Variants in TRMT11 observed in about 807,000 individuals in gnomAD.
The protein encoded by TRMT11 is tRNA (guanine(10)-N(2))-methyltransferase TRMT11.
TRMT11 carries 53 observed loss-of-function variants against 62.8 expected under a neutral mutation model. That is an observed-to-expected ratio of 0.84 (90% CI 0.68 to 1.06). The LOEUF is 1.06. TRMT11 is among the 50% of genes least tolerant of loss of function. The pLI is 0.00. For synonymous variants in TRMT11, 188 were observed against 190.3 expected (o/e 0.99, Z 0.10); for missense variants, 556 against 553.4 (o/e 1.00, Z -0.05).
chr6:126,145,515 C>A (rs776309740), intron 21 of TRMT11, among the ~76,000 whole-genome samples: 22 of 152,124 alleles, frequency 1.4e-4, no homozygotes, highest in Non-Finnish European at 2.6e-4. Flanking sequence ...GGAGAAAAGA[C>A]AATTTATCCT....
chr6:126,237,869 A>T, the TRMT11 span, among the ~76,000 whole-genome samples: 1 of 152,170 alleles, frequency 6.6e-6, no homozygotes, highest in African/African-American at 2.4e-5. Flanking sequence ...TAAGCTATTA[A>T]TTATTGCCTC....
chr6:126,126,254 T>C (rs1046118515), intron 21 of TRMT11, among the ~76,000 whole-genome samples: 1 of 152,130 alleles, frequency 6.6e-6, no homozygotes, highest in African/African-American at 2.4e-5. Flanking sequence ...TTTTCCCAGA[T>C]ATTATAGATC....
chr6:126,219,038 T>C, the TRMT11 span, among the ~76,000 whole-genome samples: 1 of 152,004 alleles, frequency 6.6e-6, no homozygotes, highest in Non-Finnish European at 1.5e-5. Context: ...CTCCCCAAAG[T>C]GTATAGATTC....
chr6:126,221,810 T>C, the TRMT11 span, among the ~76,000 whole-genome samples: 1 of 152,250 alleles, frequency 6.6e-6, no homozygotes, highest in East Asian at 1.9e-4. Context: ...AACTGTTTAA[T>C]TTAGTTAGAC....
chr6:126,261,990 T>C, the TRMT11 span, among the ~76,000 whole-genome samples: 1 of 151,916 alleles, frequency 6.6e-6, no homozygotes, highest in Non-Finnish European at 1.5e-5. Flanking sequence ...CAGGCATGGG[T>C]TTGTGTGAGT....
intron 21 of TRMT11, among the ~76,000 whole-genome samples, chr6:126,128,089 C>A (rs1263996823): frequency 2.0e-5 from 3 of 152,036 alleles, no homozygotes; most frequent in Non-Finnish European, 4.4e-5. Flanking sequence ...TGGATATGAT[C>A]TGTTTATGGA....
the TRMT11 span, among the ~76,000 whole-genome samples, chr6:126,242,187 G>T: frequency 3.3e-5 from 5 of 152,120 alleles, no homozygotes; most frequent in Non-Finnish European, 7.3e-5. Flanking sequence ...ATTCACAATT[G>T]CTTCAAAGAA....
Position 126,110,662 on chromosome 6 carries a change from A to G in TRMT11, c.*1438-2204A>G, listed in dbSNP as rs1373168167. Among the ~76,000 whole-genome samples, 5 of 152,168 alleles carry G rather than the reference A, an allele frequency of 3.3e-5. No individual in the cohort carries two copies. In the East Asian group the frequency reaches 7.7e-4, roughly 23 times the overall value. ...AATGCTTCCTATGGTAACAGAAACC[A>G]TAGAAACATGTGCGTGTGTGTGTGT... On this transcript the variant is annotated intron_variant and NMD_transcript_variant, in intron 17 of 22. Transcript: ENST00000648977.
At chr6:125,993,551 A>T (rs930101991) in intron 1 of TRMT11, among the ~76,000 whole-genome samples, 5 of 152,092 alleles carry the variant, frequency 3.3e-5, no homozygotes, top group Non-Finnish European at 5.9e-5. Context: ...TGTTGTCGAA[A>T]ATTTCTCAGA....
chr6:126,255,898 G>C, the TRMT11 span, among the ~76,000 whole-genome samples: 1 of 152,154 alleles, frequency 6.6e-6, no homozygotes, highest in African/African-American at 2.4e-5. Flanking sequence ...TGACAAGTCA[G>C]CCCAAAACTT....
chr6:126,228,906 A>G, the TRMT11 span, among the ~76,000 whole-genome samples: 1 of 152,312 alleles, frequency 6.6e-6, no homozygotes, highest in East Asian at 1.9e-4. Flanking sequence ...TCTAAGATGC[A>G]GTGATGCTTC....
intron 17 of TRMT11, among the ~76,000 whole-genome samples, chr6:126,069,062 G>A (rs1206707168): frequency 1.3e-5 from 2 of 152,300 alleles, no homozygotes; most frequent in South Asian, 4.1e-4. Flanking sequence ...AATCATTTTG[G>A]TTCCATGATG....
intron 21 of TRMT11, among the ~76,000 whole-genome samples, chr6:126,160,010 T>C (rs1778170949): frequency 1.3e-5 from 2 of 152,196 alleles, no homozygotes; most frequent in South Asian, 4.1e-4. Flanking sequence ...GTCTGATCTC[T>C]TACCTCGGGT....
the TRMT11 span, among the ~76,000 whole-genome samples, chr6:126,209,044 A>G: frequency 1.3e-5 from 2 of 152,254 alleles, no homozygotes; most frequent in Non-Finnish European, 2.9e-5. Flanking sequence ...AGTGTTTTAT[A>G]CACTAATGTT....
At chr6:126,216,427 T>G in the TRMT11 span, among the ~76,000 whole-genome samples, 4 of 152,150 alleles carry the variant, frequency 2.6e-5, no homozygotes, top group Non-Finnish European at 5.9e-5. Context: ...GTCATTTGTT[T>G]CAGGAAATTT....
upstream of TRMT11, among the ~76,000 whole-genome samples, chr6:126,175,110 C>A (rs755787566): frequency 9.2e-5 from 14 of 152,184 alleles, 1 homozygote; most frequent in Admixed American, 7.9e-4. Flanking sequence ...TGTTTTGTAT[C>A]ATTGACTACT....
chr6:126,074,156 A>T (rs1341854865), intron 17 of TRMT11, among the ~76,000 whole-genome samples: 1 of 152,222 alleles, frequency 6.6e-6, no homozygotes, highest in Non-Finnish European at 1.5e-5. Context: ...TATTAATATT[A>T]GGAATATCAG....
intron 17 of TRMT11, among the ~76,000 whole-genome samples, chr6:126,065,084 G>A (rs118050099): frequency 5.9e-5 from 9 of 152,186 alleles, no homozygotes; most frequent in East Asian, 1.9e-4. Context: ...TAGAGCCACC[G>A]GATAATATCT....
chr6:126,120,631 G>T (rs900975106), intron 21 of TRMT11, among the ~76,000 whole-genome samples: 1 of 152,124 alleles, frequency 6.6e-6, no homozygotes, highest in Non-Finnish European at 1.5e-5. Flanking sequence ...TAAAATGTCT[G>T]CATAGAATAA....
Sources: allele counts gnomAD v4.1 joint callset (sites outside exome capture counted in the v4.1 genomes callset), GRCh38; gene constraint gnomAD v4.1.1; transcripts MANE v1.5; gene names NCBI Gene and HGNC (gene_info 2026-07-23, HGNC 2026-07-21).